PRKAG1: variants seen among roughly 807,000 people sequenced by gnomAD.
PRKAG1 encodes protein kinase AMP-activated non-catalytic subunit gamma 1, also known as 5'-AMP-activated protein kinase subunit gamma-1.
In PRKAG1, 27 loss-of-function variants were observed where a neutral mutation model predicts 48.2. The observed-to-expected ratio is 0.56, with a 90% CI of 0.41 to 0.77. PRKAG1 has a LOEUF of 0.77. Ranked by LOEUF, PRKAG1 falls within the 30% of genes least tolerant of loss-of-function variation. PRKAG1 has a pLI of 0.00. For missense variants in PRKAG1, 287 were observed against 398.3 expected (o/e 0.72, Z 2.38); for synonymous variants, 130 against 147.7 (o/e 0.88, Z 0.87).
chr12:49,009,368 TC>T (rs1464940819), intron 2 of PRKAG1: 1 of 152,142 alleles, frequency 6.6e-6, no homozygotes, highest in Non-Finnish European at 1.5e-5. Flanking sequence ...CGCCTCAGTC[TC>T]CCAAAGTGCT....
rs1047016802 is a variant in PRKAG1 at position 49,018,623 on chromosome 12, G to C, written c.9+109C>G. 1.8e-5 allele frequency: 29 copies of C among 1,583,022 alleles called. No homozygotes were observed. In the Admixed American group the frequency reaches 5.2e-4, roughly 28 times the overall value. ...TAGGGCAGACACCCGGCTGCTTTTT[G>C]TTTGCTAGACACCAGCGCCAGCCCC... is the stretch of plus-strand genomic sequence containing the variant. On this transcript the variant is annotated intron_variant, in intron 1 of 11. Transcript: ENST00000548065.
intron 2 of PRKAG1, among the ~76,000 whole-genome samples, chr12:49,008,176 G>C (rs1321079920): frequency 1.3e-5 from 2 of 151,982 alleles, no homozygotes; most frequent in African/African-American, 4.8e-5. Flanking sequence ...AAATCATTTT[G>C]ACTGAATATT....
intron 2 of PRKAG1, among the ~76,000 whole-genome samples, chr12:49,011,949 C>T (rs1257321084): frequency 6.6e-6 from 1 of 150,966 alleles, no homozygotes; most frequent in East Asian, 2.0e-4. Flanking sequence ...CCTCTGCCTC[C>T]CAGGTTCTAA....
chr12:49,010,470 G>C (rs1941710938), intron 2 of PRKAG1, among the ~76,000 whole-genome samples: 1 of 152,196 alleles, frequency 6.6e-6, no homozygotes, highest in African/African-American at 2.4e-5. Context: ...TCAGCATCGA[G>C]TATAGTTCAC....
chr12:49,011,530 T>A lies in PRKAG1; in HGVS notation c.58+1532A>T, dbSNP rs969416607. ...AAGATCTGGCAAAAATAGGTCTTAG[T>A]TGACCAGACCTAGATAGTTGTCGCC... On this transcript the variant is annotated intron_variant, in intron 2 of 11. Coordinates refer to ENST00000548065, the MANE Select transcript of PRKAG1 (RefSeq NM_002733.5). Among the ~76,000 whole-genome samples the A allele has an allele frequency of 7.9e-5, 12 of 151,380 alleles. No homozygotes were observed. In the East Asian group the frequency reaches 2.1e-3, roughly 27 times the overall value.
At position 49,005,580 on chromosome 12, in the gene PRKAG1, C is replaced by T; in HGVS notation, c.169-37G>A. On this transcript the variant is annotated intron_variant, in intron 3 of 11. Transcript: ENST00000548065. This position sits in a 1 kb window ranked among gnomAD's most constrained non-coding sequence, Gnocchi z 4.1. ...ACAGTAATAATCATAAAGGCAAATC[C>T]ACAGGGGCAGGACTGTAAAAAAAGA... 6.2e-7 allele frequency: 1 copy of T among 1,614,002 alleles called. No individual in the cohort carries two copies. Among genetic ancestry groups the T allele is most frequent in the African/African-American group, 1.3e-5 (1 of 75,004 alleles).
At chr12:49,017,651 A>T (rs569682428) in intron 1 of PRKAG1, 2 of 154,750 alleles carry the variant, frequency 1.3e-5, no homozygotes, top group East Asian at 3.8e-4. Flanking sequence ...ATGACATGTC[A>T]TTTTAAATTT....
Position 49,007,988 on chromosome 12 carries a change from T to C in PRKAG1, c.59-2136A>G, listed in dbSNP as rs138061903. ...GATTCTCCTGCCTCAGCCTCGCAAG[T>C]AGCTGGGGTTACAGGTGCCCGCCAC... On this transcript the variant is annotated intron_variant, in intron 2 of 11. Transcript: ENST00000548065. Among the ~76,000 whole-genome samples, 1,216 of 151,986 alleles carry C rather than the reference T, an allele frequency of 8.0e-3. 8 individuals carry two copies. Among genetic ancestry groups the C allele is most frequent in the Non-Finnish European group, 0.012 (846 of 67,972 alleles).
chr12:49,005,957 T>C lies in PRKAG1; in HGVS notation c.59-105A>G. 1 of 809,214 alleles carries C rather than the reference T, an allele frequency of 1.2e-6. No individual in the cohort carries two copies. The highest frequency in any genetic ancestry group is 1.8e-5 in the South Asian group (1 of 54,900). 50.1% of individuals were successfully genotyped at this position (809,214 alleles called of 1,614,324 possible). On this transcript the variant is annotated intron_variant, in intron 2 of 11. Coordinates refer to ENST00000548065, the MANE Select transcript of PRKAG1 (RefSeq NM_002733.5). The surrounding 1 kb of genome is among the most constrained non-coding windows in gnomAD (Gnocchi z 4.1). ...CTAGTATCTCAAATATTTAGAGCAT[T>C]ATTTTTTAATAAGACCCCTTATTTT...
intron 2 of PRKAG1, among the ~76,000 whole-genome samples, chr12:49,006,336 G>A (rs1054893787): frequency 6.6e-6 from 1 of 151,934 alleles, no homozygotes; most frequent in South Asian, 2.1e-4. Context: ...CCAGGAGCTC[G>A]AGGCCAGCCT....
At chr12:49,010,155 G>T in intron 2 of PRKAG1, among the ~76,000 whole-genome samples, 1 of 151,996 alleles carries the variant, frequency 6.6e-6, no homozygotes, top group East Asian at 1.9e-4. Flanking sequence ...AGAGTGGGGT[G>T]GGGGGCAGTT....
intron 1 of PRKAG1, chr12:49,017,563 A>G (rs1406715024): frequency 5.2e-6 from 1 of 193,528 alleles, no homozygotes; most frequent in African/African-American, 2.4e-5. Context: ...AATCCAGTAC[A>G]TAAAGTGTAA....
chr12:49,017,116 A>G (rs1942008054), intron 1 of PRKAG1: 6 of 455,758 alleles, frequency 1.3e-5, no homozygotes, highest in South Asian at 9.3e-5. Flanking sequence ...CATTTATTAT[A>G]GTCTACCTTT....
chr12:49,006,821 T>A (rs1941556755), intron 2 of PRKAG1, among the ~76,000 whole-genome samples: 1 of 148,600 alleles, frequency 6.7e-6, no homozygotes, highest in Non-Finnish European at 1.5e-5. Context: ...AATACAAAAT[T>A]AGCCGGGCAT....
Position 49,005,890 on chromosome 12 carries a change from TAA to T in PRKAG1, c.59-40_59-39del. The T allele has an allele frequency of 1.4e-6, 2 of 1,426,522 alleles. No homozygotes were observed. Among genetic ancestry groups the T allele is most frequent in the Non-Finnish European group, 1.9e-6 (2 of 1,046,772 alleles). The allele number at this position is 1,426,522 out of a possible 1,614,324, so 88.4% of individuals were successfully genotyped here. A position where few individuals can be genotyped will look rare whatever the true frequency, so the allele number is the denominator to read the frequency against. On this transcript the variant is annotated intron_variant, in intron 2 of 11. Transcript: ENST00000548065. The surrounding 1 kb of genome is among the most constrained non-coding windows in gnomAD (Gnocchi z 4.1). ...GGATAGTTAGTAGCTTCCTTCCACA[TAA>T]AAACTCCCAATCAAAAGAGACAGAA...
At position 49,002,808 on chromosome 12, in the gene PRKAG1, A is replaced by C; in HGVS notation, c.*91T>G. 1 of 1,234,974 alleles carries C rather than the reference A, an allele frequency of 8.1e-7. No individual in the cohort carries two copies. Among genetic ancestry groups the C allele is most frequent in the Non-Finnish European group, 1.2e-6 (1 of 858,976 alleles). 76.5% of individuals were successfully genotyped at this position (1,234,974 alleles called of 1,614,324 possible). A position where few individuals can be genotyped will look rare whatever the true frequency, so the allele number is the denominator to read the frequency against. On this transcript the variant is annotated 3_prime_UTR_variant, in exon 12 of 12. Transcript: ENST00000548065. ...ACCCTGAACAGGGAACAGAGTCACA[A>C]TTCCCTCAAGTTTCATCTGATTCCC...
At chr12:49,015,871 T>C (rs1941949364) in intron 1 of PRKAG1, among the ~76,000 whole-genome samples, 1 of 151,798 alleles carries the variant, frequency 6.6e-6, no homozygotes, top group South Asian at 2.1e-4. Context: ...CCACCGAGCC[T>C]GGCCGTGACT....
Position 49,003,593 on chromosome 12 carries a change from G to A in PRKAG1, c.706C>T (p.Arg236Cys), listed in dbSNP as rs368981295. Reference sequence around the variant, plus strand: ...AACTTGGAGTAGATGTCCACCACACGCCCTAGGGGGACAGAGGCAGCTCAG... The same window carrying A: ...AACTTGGAGTAGATGTCCACCACACACCCTAGGGGGACAGAGGCAGCTCAG... ...SALPVVDEKG[R>C]VVDIYSKFDV... is the part of the protein sequence containing the mutation. Residue 236 changes from arginine (R) to cysteine (C), a missense_variant and splice_region_variant, in exon 10 of 12, where the codon CGT becomes TGT. By Grantham distance (180) the Arg-to-Cys change is radical. Coordinates refer to ENST00000548065, the MANE Select transcript of PRKAG1 (RefSeq NM_002733.5). The A allele has an allele frequency of 8.2e-6, 13 of 1,579,664 alleles. No individual in the cohort carries two copies. Among genetic ancestry groups the A allele is most frequent in the African/African-American group, 4.1e-5 (3 of 72,478 alleles).
chr12:49,014,709 T>A (rs1467023318), intron 1 of PRKAG1, among the ~76,000 whole-genome samples: 2 of 152,250 alleles, frequency 1.3e-5, no homozygotes, highest in African/African-American at 2.4e-5. Context: ...CAAAGGCTGC[T>A]ATAGCCAGGG....
Sources: gnomAD v4.1 joint callset for allele counts (sites outside exome capture counted in the v4.1 genomes callset) on GRCh38, gnomAD v4.1.1 for gene constraint, Gnocchi (gnomAD v3.1) non-coding constraint, MANE v1.5 for transcripts, NCBI Gene and HGNC (gene_info 2026-07-23, HGNC 2026-07-21) for gene names.